Variants in PC observed in about 807,000 individuals in gnomAD.
The protein encoded by PC is pyruvate carboxylase.
A neutral mutation model predicts 107.8 loss-of-function variants in PC; 46 were observed. That is an observed-to-expected ratio of 0.43 (90% CI 0.34 to 0.55). PC has a LOEUF of 0.55. Ranked by LOEUF, PC falls within the 20% of genes least tolerant of loss-of-function variation. The probability of loss-of-function intolerance (pLI) is 0.04; values close to 1 mark genes in which losing one functional copy is unlikely to be tolerated. For missense variants in PC, 1,241 were observed against 1,643.1 expected, an observed-to-expected ratio of 0.76 and a Z score of 4.23; for synonymous variants, 662 against 684.7, an observed-to-expected ratio of 0.97 and a Z score of 0.52.
chr11:66,889,269 T>TGCCTCTGGGAG (rs1251430929), intron 3 of PC, among the ~76,000 whole-genome samples: 1 of 151,618 alleles, frequency 6.6e-6, no homozygotes, highest in African/African-American at 2.4e-5. Flanking sequence ...GAACAGGAGT[T>TGCCTCTGGGAG]GCAGGGCAGC....
intron 12 of PC, among the ~76,000 whole-genome samples, chr11:66,861,923 C>A (rs780861591): frequency 6.6e-6 from 1 of 152,140 alleles, no homozygotes; most frequent in Admixed American, 6.5e-5. Context: ...AGCTGCACCC[C>A]TAGCAGGCGC....
intron 3 of PC, among the ~76,000 whole-genome samples, chr11:66,876,862 G>T (rs1038576711): frequency 1.3e-5 from 2 of 152,176 alleles, no homozygotes; most frequent in Non-Finnish European, 2.9e-5. Flanking sequence ...GAGGCGAGGG[G>T]AGCCTTCGGG....
At chr11:66,902,675 T>G (rs1437773553) in intron 3 of PC, among the ~76,000 whole-genome samples, 1 of 152,162 alleles carries the variant, frequency 6.6e-6, no homozygotes, top group Admixed American at 6.5e-5. Context: ...CCATCACTCT[T>G]GCCCTGGCCA....
At chr11:66,874,959 A>G (rs1946916532) in intron 3 of PC, among the ~76,000 whole-genome samples, 1 of 152,160 alleles carries the variant, frequency 6.6e-6, no homozygotes. Context: ...AAGCTCCAGG[A>G]AGAAGGGATA....
Position 66,853,318 on chromosome 11 carries a change from G to C in PC, c.1434C>G (p.Thr478=), listed in dbSNP as rs1945619680. Residue 478 remains threonine (T), a synonymous_variant, in exon 13 of 23, where the codon ACC becomes ACG. Coordinates refer to ENST00000393960, the MANE Select transcript of PC (RefSeq NM_001040716.2). ...NQQFLAGTVD[T]QFIDENPELF... ...GCTCTGGGTTCTCGTCGATGAACTGGGTGTCCACAGTGCCTGCCAGGAACT... is the reference window on the plus strand; with the variant it reads ...GCTCTGGGTTCTCGTCGATGAACTGCGTGTCCACAGTGCCTGCCAGGAACT... 6.2e-7 allele frequency: 1 copy of C among 1,614,132 alleles called. No individual in the cohort carries two copies. Among genetic ancestry groups the C allele is most frequent in the East Asian group, 2.2e-5 (1 of 44,888 alleles).
At position 66,866,307 on chromosome 11, in the gene PC, C is replaced by T. The variant is rs746924251; in HGVS notation, c.1065G>A (p.Arg355=). ...GCCGCAGGCCCAGGTCGGGTAGGCT[C>T]CTGCCCTCAGCCACGTGGATCTGAG... ...VHAQIHVAEG[R]SLPDLGLRQE... Residue 355 remains arginine, a synonymous_variant, in exon 11 of 23, where the codon AGG becomes AGA. Coordinates refer to ENST00000393960, the MANE Select transcript of PC (RefSeq NM_001040716.2). The surrounding 1 kb of genome is among the most constrained non-coding windows in gnomAD (Gnocchi z 5.4). 10 of 1,613,128 alleles carry T rather than the reference C, an allele frequency of 6.2e-6. No homozygotes were observed. Among genetic ancestry groups the T allele is most frequent in the Non-Finnish European group, 1.7e-6 (2 of 1,179,906 alleles).
In PC at chr11:66,866,461, C is replaced by T. The variant is rs1946500607; in HGVS notation, c.1023-112G>A. The T allele has an allele frequency of 8.9e-6, 7 of 782,772 alleles. No homozygotes were observed. In the East Asian group the frequency reaches 1.9e-4, roughly 21 times the overall value. 48.5% of individuals were successfully genotyped at this position (782,772 alleles called of 1,614,324 possible). A position where few individuals can be genotyped will look rare whatever the true frequency, so the allele number is the denominator to read the frequency against. On this transcript the variant is annotated intron_variant, in intron 10 of 22. Coordinates refer to ENST00000393960, the MANE Select transcript of PC (RefSeq NM_001040716.2). This position sits in a 1 kb window ranked among gnomAD's most constrained non-coding sequence, Gnocchi z 5.4. Reference sequence around the variant, plus strand: ...GGGGCGTCCACACACAGTGCGACTCCTGCCCATAGGCTCTGGGCCAGCCTG... The same window carrying T: ...GGGGCGTCCACACACAGTGCGACTCTTGCCCATAGGCTCTGGGCCAGCCTG...
intron 3 of PC, among the ~76,000 whole-genome samples, chr11:66,883,436 C>T (rs750390900): frequency 6.6e-6 from 1 of 152,172 alleles, no homozygotes; most frequent in Non-Finnish European, 1.5e-5. Flanking sequence ...CCTCCACATC[C>T]TATAGGAGTA....
chr11:66,894,635 C>T (rs1002607248), intron 3 of PC, among the ~76,000 whole-genome samples: 3 of 152,196 alleles, frequency 2.0e-5, no homozygotes, highest in Non-Finnish European at 4.4e-5. Flanking sequence ...CAGGAATCCT[C>T]CAAAGGCCAG....
At chr11:66,936,894 C>G (rs1379136862) in intron 3 of PC, among the ~76,000 whole-genome samples, 1 of 152,052 alleles carries the variant, frequency 6.6e-6, no homozygotes, top group East Asian at 1.9e-4. Context: ...GGCTGGAATG[C>G]AGTGGCGCGA....
intron 3 of PC, among the ~76,000 whole-genome samples, chr11:66,918,244 A>G (rs1159498618): frequency 6.6e-6 from 1 of 152,134 alleles, no homozygotes; most frequent in East Asian, 1.9e-4. Context: ...AATTAACATT[A>G]TACTTCTAGG....
At chr11:66,860,032 G>A (rs1946152258) in intron 12 of PC, 5 of 1,582,890 alleles carry the variant, frequency 3.2e-6, no homozygotes, top group Non-Finnish European at 4.3e-6. Flanking sequence ...CGGCCGCAGC[G>A]CAGCTGCTCT....
At chr11:66,899,223 G>A (rs1220489122) in intron 3 of PC, among the ~76,000 whole-genome samples, 1 of 152,002 alleles carries the variant, frequency 6.6e-6, no homozygotes, top group Non-Finnish European at 1.5e-5. Context: ...TTTTGGGTCT[G>A]GCTTCTTTCA....
At chr11:66,927,516 G>C (rs1052457988) in intron 3 of PC, among the ~76,000 whole-genome samples, 18 of 151,970 alleles carry the variant, frequency 1.2e-4, no homozygotes, top group Middle Eastern at 3.4e-3. Flanking sequence ...GAGGTCAGGA[G>C]TTCAAGACCA....
At chr11:66,868,763 C>G (rs1044599657) in intron 10 of PC, 83 bp downstream of exon 10, 1 of 1,047,450 alleles carries the variant, frequency 9.5e-7, no homozygotes, top group African/African-American at 1.6e-5. Context: ...AGCCCCCTGG[C>G]TGGCCCCAGG....
At chr11:66,904,698 T>G (rs913607291) in intron 3 of PC, among the ~76,000 whole-genome samples, 2 of 152,002 alleles carry the variant, frequency 1.3e-5, no homozygotes, top group Non-Finnish European at 2.9e-5. Context: ...CAAATACAAA[T>G]AAGGAACTGT....
At position 66,858,958 on chromosome 11, in the gene PC, C is replaced by T; in HGVS notation, c.1368+4816G>A. ...GCCGAGGGTGAGGGGACGCTGGAGT[C>T]TGAGCCAGCCGTGCAGGTGACGGAG... On this transcript the variant is annotated intron_variant, in intron 12 of 22. Coordinates refer to ENST00000393960, the MANE Select transcript of PC (RefSeq NM_001040716.2). The surrounding 1 kb of genome is among the most constrained non-coding windows in gnomAD (Gnocchi z 5.9). The T allele has an allele frequency of 6.3e-7, 1 of 1,576,922 alleles. No individual in the cohort carries two copies. The highest frequency in any genetic ancestry group is 8.6e-7 in the Non-Finnish European group (1 of 1,158,256).
intron 3 of PC, among the ~76,000 whole-genome samples, chr11:66,893,561 A>C (rs1947646437): frequency 6.6e-6 from 1 of 152,196 alleles, no homozygotes; most frequent in Non-Finnish European, 1.5e-5. Context: ...AACATGAATT[A>C]ATCTTTGAGG....
chr11:66,905,054 G>C (rs984008483), intron 3 of PC, among the ~76,000 whole-genome samples: 7 of 152,206 alleles, frequency 4.6e-5, no homozygotes, highest in Non-Finnish European at 1.0e-4. Flanking sequence ...CCTCATCAGA[G>C]GTATCAAGTG....
Sources: allele counts gnomAD v4.1 joint callset (sites outside exome capture counted in the v4.1 genomes callset), GRCh38; gene constraint gnomAD v4.1.1; non-coding constraint Gnocchi (gnomAD v3.1); transcripts MANE v1.5; gene names NCBI Gene and HGNC (gene_info 2026-07-23, HGNC 2026-07-21).